Variants in VSIG10L observed in about 807,000 individuals in gnomAD.
VSIG10L encodes V-set and immunoglobulin domain-containing protein 10-like.
A neutral mutation model predicts 67.3 loss-of-function variants in VSIG10L; 63 were observed. The observed-to-expected ratio is 0.94, with a 90% confidence interval of 0.76 to 1.15. The LOEUF is 1.15. Ranked by LOEUF, VSIG10L falls within the 50% of genes most tolerant of loss-of-function variation. The pLI, the probability that VSIG10L is intolerant of heterozygous loss-of-function variation, is 0.00. For missense variants in VSIG10L, 1,050 were observed against 1,177.5 expected, an observed-to-expected ratio of 0.89 and a Z score of 1.58; for synonymous variants, 499 against 524.9, an observed-to-expected ratio of 0.95 and a Z score of 0.67.
chr19:51,337,045 C>A, intron 7 of VSIG10L, among the ~76,000 whole-genome samples, 193 bp downstream of exon 7: 1 of 152,190 alleles, frequency 6.6e-6, no homozygotes, highest in East Asian at 1.9e-4. Flanking sequence ...GGATTACAGG[C>A]GTGAGCCACC....
At position 51,341,528 on chromosome 19, in the gene VSIG10L, CAG is replaced by C. The variant is rs1186148397; in HGVS notation, c.518_519del (p.Ser173CysfsTer5). ...FSPDDMDLKL[S>X]AQSPESKFSA... is the part of the protein sequence containing the mutation. The stretch of plus-strand genomic sequence containing the variant: ...GAAAATTTGGATTCAGGGCTCTGGG[CAG>C]AGAGTTTAAGATCCATATCATCCGG... On this transcript the variant is annotated frameshift_variant, in exon 2 of 10. Coordinates refer to ENST00000335624, the MANE Select transcript of VSIG10L (RefSeq NM_001163922.3). LOFTEE classifies it high-confidence loss of function. 8 of 1,551,510 alleles carry C rather than the reference CAG, an allele frequency of 5.2e-6. No individual in the cohort carries two copies. The highest frequency in any genetic ancestry group is 7.0e-6 in the Non-Finnish European group (8 of 1,146,972).
In VSIG10L at chr19:51,334,239, G is replaced by T; in HGVS notation, c.2371C>A (p.Leu791Ile). The T allele has an allele frequency of 6.4e-7, 1 of 1,551,750 alleles. No homozygotes were observed. The highest frequency in any genetic ancestry group is 8.7e-7 in the Non-Finnish European group (1 of 1,147,004). Residue 791 changes from leucine (L) to isoleucine (I), a missense_variant, in exon 8 of 10, where the codon CTA (leucine) becomes ATA (isoleucine). Physicochemically the swap from Leu to Ile is conservative, Grantham distance 5 (BLOSUM62 2). This residue lies in a region of VSIG10L where 529 missense variants were observed against 584.9 expected (regional missense o/e 0.90). Coordinates refer to ENST00000335624, the MANE Select transcript of VSIG10L (RefSeq NM_001163922.3). ...VLGSLLGLAL[L>I]AVLLLLCICC... The stretch of plus-strand genomic sequence containing the variant: ...ATGCAAAGGAGGAGAAGTACGGCTA[G>T]CAGCGCCAGGCCCAGCAGGGAGCCC...
chr19:51,332,702 A>C (rs1599831333), intron 9 of VSIG10L, 62 bp from the exon 10 acceptor site: 112 of 1,440,006 alleles, frequency 7.8e-5, no homozygotes, highest in Non-Finnish European at 9.5e-5. Context: ...GACATAACTC[A>C]CCCGCCTAAC....
Position 51,339,015 on chromosome 19 carries a change from G to T in VSIG10L, c.1602C>A (p.Gly534=), listed in dbSNP as rs2123555746. ...ASLQFQGLPE[G]IRAGPVSSVL... ...CAGAGGACACTGGCCCGGCGCGGAT[G>T]CCTTCGGGGAGACCCTGGAACTGCA... Residue 534 remains glycine (G), a synonymous_variant, in exon 5 of 10, where the codon GGC becomes GGA. Coordinates refer to ENST00000335624, the MANE Select transcript of VSIG10L (RefSeq NM_001163922.3). The T allele has an allele frequency of 7.2e-7, 1 of 1,393,592 alleles. No individual in the cohort carries two copies. The highest frequency in any genetic ancestry group is 1.6e-5 in the South Asian group (1 of 63,168). 86.3% of individuals were successfully genotyped at this position (1,393,592 alleles called of 1,614,324 possible).
Position 51,340,047 on chromosome 19 carries a change from C to G in VSIG10L, c.1442G>C (p.Arg481Pro). 1 of 1,436,298 alleles carries G rather than the reference C, an allele frequency of 7.0e-7. No homozygotes were observed. The highest frequency in any genetic ancestry group is 9.1e-7 in the Non-Finnish European group (1 of 1,096,788). 89.0% of individuals were successfully genotyped at this position (1,436,298 alleles called of 1,614,324 possible). A position where few individuals can be genotyped will look rare whatever the true frequency, so the allele number is the denominator to read the frequency against. Residue 481 changes from arginine to proline, a missense_variant, in exon 4 of 10, where the codon CGC becomes CCC. Around this residue, in one of 3 missense-constraint regions of VSIG10L, gnomAD observed 529 missense variants for 584.9 expected, o/e 0.90. Transcript: ENST00000335624. This position sits in a 1 kb window ranked among gnomAD's most constrained non-coding sequence, Gnocchi z 6.3. Reference sequence around the variant, plus strand: ...TGTAAGGTTGAGCAGCGAGCGGCGGCGGCGGCCGGTACGCGGGTTCGCCGC... The same window carrying G: ...TGTAAGGTTGAGCAGCGAGCGGCGGGGGCGGCCGGTACGCGGGTTCGCCGC... ...CLAANPRTGRRRRSLLNLTVA... is the reference protein window; with the variant it reads ...CLAANPRTGRPRRSLLNLTVA...
At chr19:51,335,171 C>T (rs865878346) in intron 7 of VSIG10L, among the ~76,000 whole-genome samples, 1 of 152,072 alleles carries the variant, frequency 6.6e-6, no homozygotes, top group Non-Finnish European at 1.5e-5. Context: ...CGAAGGCCAG[C>T]GTGGGTGGAG....
chr19:51,337,756 T>G (rs1985520676), intron 6 of VSIG10L, among the ~76,000 whole-genome samples, 174 bp downstream of exon 6: 1 of 122,008 alleles, frequency 8.2e-6, no homozygotes, highest in South Asian at 2.7e-4. Flanking sequence ...GCTAGACCCT[T>G]GGGTCTGAGG....
chr19:51,336,923 C>A (rs1394008343), intron 7 of VSIG10L, among the ~76,000 whole-genome samples: 2 of 152,054 alleles, frequency 1.3e-5, no homozygotes, highest in Non-Finnish European at 1.5e-5. Context: ...CCCGCCACCG[C>A]GCCAGGCTAA....
In VSIG10L at chr19:51,340,610, G is replaced by C; in HGVS notation, c.1012C>G (p.Arg338Gly). ...GPGRGELSWS[R>G]DGRALEAAES... ...GCCGCCTCCAGGGCGCGTCCGTCCCGGCTCCAGCTCAGCTCCCCGCGACCT... is the reference window on the plus strand; with the variant it reads ...GCCGCCTCCAGGGCGCGTCCGTCCCCGCTCCAGCTCAGCTCCCCGCGACCT... The change falls in exon 3 of 10, where the codon CGG (arginine) becomes GGG (glycine). Residue 338 changes from arginine (R) to glycine (G), a missense_variant. Physicochemically the swap from Arg to Gly is moderately radical, Grantham distance 125. This residue lies in a region of VSIG10L where 511 missense variants were observed against 557.9 expected (regional missense o/e 0.92). Transcript: ENST00000335624. The surrounding 1 kb of genome is among the most constrained non-coding windows in gnomAD (Gnocchi z 6.3). 1.3e-6 allele frequency: 2 copies of C among 1,535,126 alleles called. No homozygotes were observed. The highest frequency in any genetic ancestry group is 2.4e-5 in the South Asian group (2 of 83,962).
At position 51,340,134 on chromosome 19, in the gene VSIG10L, G is replaced by T. The variant is rs1448745486; in HGVS notation, c.1355C>A (p.Ala452Glu). ...LADPAEAAVP[A>E]GSRLLLPAVG... ...CGCGGGCAGCAGGAGGCGCGACCCC[G>T]CGGGCACCGCGGCCTCGGCCGGGTC... The change falls in exon 4 of 10, where the codon GCG (alanine) becomes GAG (glutamate). Residue 452 changes from alanine (A) to glutamate (E), a missense_variant. Coordinates refer to ENST00000335624, the MANE Select transcript of VSIG10L (RefSeq NM_001163922.3). This position sits in a 1 kb window ranked among gnomAD's most constrained non-coding sequence, Gnocchi z 6.3. 7.6e-7 allele frequency: 1 copy of T among 1,313,526 alleles called. No homozygotes were observed. The highest frequency in any genetic ancestry group is 9.6e-7 in the Non-Finnish European group (1 of 1,037,496). The allele number at this position is 1,313,526 out of a possible 1,614,324, so 81.4% of individuals were successfully genotyped here.
chr19:51,340,745 G>T lies in VSIG10L; in HGVS notation c.896-19C>A, dbSNP rs777178389. 4.3e-4 allele frequency: 630 copies of T among 1,468,336 alleles called. 5 individuals carry two copies. Among genetic ancestry groups the T allele is most frequent in the Non-Finnish European group, 7.2e-5 (80 of 1,112,676 alleles). 91.0% of individuals were successfully genotyped at this position (1,468,336 alleles called of 1,614,324 possible). A position where few individuals can be genotyped will look rare whatever the true frequency, so the allele number is the denominator to read the frequency against. On this transcript the variant is annotated intron_variant, in intron 2 of 9. Coordinates refer to ENST00000335624, the MANE Select transcript of VSIG10L (RefSeq NM_001163922.3). This position sits in a 1 kb window ranked among gnomAD's most constrained non-coding sequence, Gnocchi z 6.3. ...AGGGGCTCTGGGAGAGGGAGAATGG[G>T]CTCAGGACCCACCCAGTCCTGGAGC...
At chr19:51,341,108 G>A (rs895828741) in intron 2 of VSIG10L, 45 bp downstream of exon 2, 59 of 1,469,824 alleles carry the variant, frequency 4.0e-5, no homozygotes, top group Non-Finnish European at 5.1e-5. Context: ...TGGCAGAGCA[G>A]AGCAGCCCCT....
At chr19:51,334,120 CT>C in intron 8 of VSIG10L, 70 bp downstream of exon 8, 1 of 1,514,080 alleles carries the variant, frequency 6.6e-7, no homozygotes. Flanking sequence ...TCAGCCAGGT[CT>C]TCCATAGGCC....
chr19:51,336,763 A>ATTTTTTT (rs942291893), intron 7 of VSIG10L, among the ~76,000 whole-genome samples: 6 of 97,066 alleles, frequency 6.2e-5, no homozygotes, highest in African/African-American at 1.2e-4. Flanking sequence ...CGACACCTTG[A>ATTTTTTT]TTTTTTTTTT....
intron 7 of VSIG10L, among the ~76,000 whole-genome samples, chr19:51,337,005 A>G (rs1165264028): frequency 6.6e-6 from 1 of 152,076 alleles, no homozygotes; most frequent in Non-Finnish European, 1.5e-5. Context: ...TGACCTCGTG[A>G]TCCACCCGCC....
chr19:51,341,930 C>T lies in VSIG10L; in HGVS notation c.118G>A (p.Asp40Asn). ...AGCCCCTGGGAAGAGCTCTTTGAGTCTGAAGAGAAGGCAGAGGAGAAGTTG... is the reference window on the plus strand; with the variant it reads ...AGCCCCTGGGAAGAGCTCTTTGAGTTTGAAGAGAAGGCAGAGGAGAAGTTG... ...QTNFSSAFSS[D>N]SKSSSQGLGV... is the part of the protein sequence containing the mutation. The change falls in exon 2 of 10, where the codon GAC becomes AAC. Residue 40 changes from aspartate (D) to asparagine (N), a missense_variant. Around this residue, in one of 3 missense-constraint regions of VSIG10L, gnomAD observed 511 missense variants for 557.9 expected, o/e 0.92. Coordinates refer to ENST00000335624, the MANE Select transcript of VSIG10L (RefSeq NM_001163922.3). The T allele has an allele frequency of 6.4e-7, 1 of 1,551,662 alleles. No individual in the cohort carries two copies. The highest frequency in any genetic ancestry group is 8.7e-7 in the Non-Finnish European group (1 of 1,146,996).
rs1339945003 is a variant in VSIG10L at position 51,340,056 on chromosome 19, G to C, written c.1433C>G (p.Thr478Ser). ...GAGCAGCGAGCGGCGGCGGCGGCCGGTACGCGGGTTCGCCGCCAGGCAGGC... is the reference window on the plus strand; with the variant it reads ...GAGCAGCGAGCGGCGGCGGCGGCCGCTACGCGGGTTCGCCGCCAGGCAGGC... ...TYACLAANPR[T>S]GRRRRSLLNL... Residue 478 changes from threonine (T) to serine (S), a missense_variant, in exon 4 of 10, where the codon ACC (threonine) becomes AGC (serine). Coordinates refer to ENST00000335624, the MANE Select transcript of VSIG10L (RefSeq NM_001163922.3). The surrounding 1 kb of genome is among the most constrained non-coding windows in gnomAD (Gnocchi z 6.3). The C allele has an allele frequency of 4.2e-6, 6 of 1,435,620 alleles. No individual in the cohort carries two copies. In the East Asian group the frequency reaches 1.5e-4, roughly 36 times the overall value. 88.9% of individuals were successfully genotyped at this position (1,435,620 alleles called of 1,614,324 possible).
intron 7 of VSIG10L, among the ~76,000 whole-genome samples, chr19:51,334,683 T>G (rs957591309): frequency 2.0e-5 from 3 of 152,186 alleles, no homozygotes; most frequent in African/African-American, 4.8e-5. Flanking sequence ...GGCTCACACC[T>G]GTGATTCCCA....
At chr19:51,334,093 T>C (rs936099599) in intron 8 of VSIG10L, 98 bp downstream of exon 8, 14 of 1,462,332 alleles carry the variant, frequency 9.6e-6, no homozygotes, top group South Asian at 1.2e-5. Context: ...GGATGACCTA[T>C]GACGGCACTG....
Sources: allele counts gnomAD v4.1 joint callset (sites outside exome capture counted in the v4.1 genomes callset), GRCh38; gene constraint gnomAD v4.1.1; regional missense constraint gnomAD v4.1.1; non-coding constraint Gnocchi (gnomAD v3.1); transcripts MANE v1.5; gene names NCBI Gene and HGNC (gene_info 2026-07-23, HGNC 2026-07-21).